Variants in ACSM3 observed in about 807,000 individuals in gnomAD.
ACSM3 encodes acyl-CoA synthetase medium chain family member 3.
Under a neutral mutation model 74.1 loss-of-function variants are expected in ACSM3, and 61 were observed. That is an observed-to-expected ratio of 0.82 (90% CI 0.67 to 1.02). ACSM3 has a LOEUF of 1.02. ACSM3 is among the 50% of genes least tolerant of loss of function. The pLI, the probability that ACSM3 is intolerant of heterozygous loss-of-function variation, is 0.00. For synonymous variants in ACSM3, 213 were observed against 241.5 expected, an observed-to-expected ratio of 0.88 and a Z score of 1.09; for missense variants, 660 against 697.0, an observed-to-expected ratio of 0.95 and a Z score of 0.60.
At chr16:20,676,903 C>G (rs2020315804) in intron 1 of ACSM3, among the ~76,000 whole-genome samples, 1 of 152,118 alleles carries the variant, frequency 6.6e-6, no homozygotes, top group South Asian at 2.1e-4. Context: ...CTACTGCACC[C>G]AGGAGAAACC....
intron 1 of ACSM3, among the ~76,000 whole-genome samples, chr16:20,691,550 C>T (rs1039621811): frequency 2.0e-5 from 3 of 152,078 alleles, no homozygotes; most frequent in African/African-American, 7.2e-5. Flanking sequence ...TAGAGCAACT[C>T]GCCTTTTGGA....
chr16:20,758,805 G>A (rs1211842522), intron 3 of ACSM3, among the ~76,000 whole-genome samples: 1 of 151,864 alleles, frequency 6.6e-6, no homozygotes, highest in Non-Finnish European at 1.5e-5. Flanking sequence ...CTTTGAATGT[G>A]TCCCAGAGAT....
intron 1 of ACSM3, among the ~76,000 whole-genome samples, chr16:20,768,941 G>A (rs1428484989): frequency 2.0e-5 from 3 of 152,236 alleles, no homozygotes; most frequent in East Asian, 1.9e-4. Flanking sequence ...CTGATGCATC[G>A]GTTATATCAA....
At chr16:20,694,014 A>G (rs1165199709) in intron 1 of ACSM3, among the ~76,000 whole-genome samples, 1 of 152,234 alleles carries the variant, frequency 6.6e-6, no homozygotes, top group Admixed American at 6.5e-5. Flanking sequence ...AGCTCCCACA[A>G]TTTAGCCTAA....
intron 1 of ACSM3, among the ~76,000 whole-genome samples, chr16:20,728,866 G>A (rs994577723): frequency 2.0e-5 from 3 of 152,106 alleles, no homozygotes; most frequent in Non-Finnish European, 4.4e-5. Context: ...CAACATTTTG[G>A]GAGGCTGAGG....
In ACSM3 at chr16:20,744,534, G is replaced by A. The variant is rs140834794; in HGVS notation, c.-189-5376G>A. ...CAAGTAGCTGGGATTACCTGTGCAT[G>A]CCACCACGGCCAACTAATTTTTGTA... On this transcript the variant is annotated intron_variant, in intron 1 of 3. Coordinates refer to the ACSM3 transcript ENST00000561584. Among the ~76,000 whole-genome samples the A allele has an allele frequency of 4.6e-3, 693 of 152,272 alleles. 6 individuals are homozygous for A. The highest frequency in any genetic ancestry group is 0.015 in the African/African-American group (642 of 41,550).
At chr16:20,792,811 T>G in intron 12 of ACSM3, 1 of 659,426 alleles carries the variant, frequency 1.5e-6, no homozygotes, top group Non-Finnish European at 1.9e-6. Flanking sequence ...AAGTAGAGAT[T>G]TCAGGAAATA....
chr16:20,719,594 G>C (rs1199640366), intron 1 of ACSM3, among the ~76,000 whole-genome samples: 1 of 152,170 alleles, frequency 6.6e-6, no homozygotes, highest in Non-Finnish European at 1.5e-5. Flanking sequence ...CTCTCAGGCA[G>C]GAAATCCAGA....
chr16:20,709,534 C>G (rs1002611939), intron 1 of ACSM3, among the ~76,000 whole-genome samples: 3 of 152,144 alleles, frequency 2.0e-5, no homozygotes, highest in African/African-American at 7.2e-5. Flanking sequence ...TAGAGGTCAA[C>G]CTATTGAGTG....
intron 2 of ACSM3, among the ~76,000 whole-genome samples, chr16:20,771,643 A>G (rs1044758356): frequency 6.6e-6 from 1 of 152,074 alleles, no homozygotes; most frequent in Non-Finnish European, 1.5e-5. Flanking sequence ...CTCTTGATAG[A>G]CATTTAGGTT....
In ACSM3 at chr16:20,793,394, G is replaced by A. The variant is rs1034771704; in HGVS notation, c.1554+1059G>A. Among the ~76,000 whole-genome samples the A allele has an allele frequency of 1.1e-4, 16 of 152,280 alleles. No homozygotes were observed. The East Asian group carries it at 2.5e-3, about 24-fold the overall frequency. On this transcript the variant is annotated intron_variant, in intron 12 of 13. Transcript: ENST00000289416. ...TGAGGCAGAAGAATCACTTGGACCC[G>A]GGACGGGGAGGTTACAGTGAGCCAA...
chr16:20,703,379 T>C (rs1365983050), intron 1 of ACSM3: 1 of 152,238 alleles, frequency 6.6e-6, no homozygotes, highest in Non-Finnish European at 1.5e-5. Flanking sequence ...GGGAATAGCA[T>C]TGAATCTACA....
chr16:20,773,463 C>A (rs987239028), intron 2 of ACSM3, among the ~76,000 whole-genome samples: 7 of 152,054 alleles, frequency 4.6e-5, no homozygotes, highest in African/African-American at 1.7e-4. Context: ...TATTTGAAAT[C>A]TTTCTGCTTG....
intron 1 of ACSM3, among the ~76,000 whole-genome samples, chr16:20,745,766 C>G (rs2079955271): frequency 6.6e-6 from 1 of 152,198 alleles, no homozygotes; most frequent in East Asian, 1.9e-4. Context: ...GATTCCCTTT[C>G]TGTTTCTCTT....
intron 1 of ACSM3, among the ~76,000 whole-genome samples, chr16:20,720,058 A>G (rs28631241): frequency 0.048 from 7,317 of 152,204 alleles, 592 homozygotes; most frequent in African/African-American, 0.17. Context: ...TTCACCTGTT[A>G]TTTTGCTAAC....
intron 1 of ACSM3, among the ~76,000 whole-genome samples, chr16:20,741,114 T>C (rs974872173): frequency 6.6e-6 from 1 of 152,108 alleles, no homozygotes; most frequent in Non-Finnish European, 1.5e-5. Context: ...TTACAAAACT[T>C]AGCCGAGAGT....
At chr16:20,789,768 G>A (rs111696134) in intron 9 of ACSM3, among the ~76,000 whole-genome samples, 12 of 141,620 alleles carry the variant, frequency 8.5e-5, no homozygotes, top group Admixed American at 3.8e-4. Flanking sequence ...TCCCCATCCC[G>A]GGTTCAAGCA....
At chr16:20,741,636 C>T in intron 1 of ACSM3, 1 of 1,581,010 alleles carries the variant, frequency 6.3e-7, no homozygotes, top group Non-Finnish European at 8.6e-7. Context: ...CTGACGGGGC[C>T]CGCCAGCGTC....
chr16:20,699,862 G>A (rs903888082), intron 1 of ACSM3, among the ~76,000 whole-genome samples: 1 of 152,062 alleles, frequency 6.6e-6, no homozygotes, highest in African/African-American at 2.4e-5. Context: ...GGTATACAGC[G>A]GACAAAGGAA....
Sources: gnomAD v4.1 joint callset for allele counts (sites outside exome capture counted in the v4.1 genomes callset) on GRCh38, gnomAD v4.1.1 for gene constraint, MANE v1.5 for transcripts, NCBI Gene and HGNC (gene_info 2026-07-23, HGNC 2026-07-21) for gene names.